Variants in COL17A1 observed in about 807,000 individuals in gnomAD.
COL17A1 encodes the protein collagen type XVII alpha 1 chain, also known as collagen alpha-1(XVII) chain.
A neutral mutation model predicts 218.4 loss-of-function variants in COL17A1; 181 were observed. The observed-to-expected ratio is 0.83, with a 90% CI of 0.73 to 0.94. The LOEUF (loss-of-function observed/expected upper bound fraction) is 0.94, where lower values mean the gene tolerates loss of function less well. Ranked by LOEUF, COL17A1 falls within the 40% of genes least tolerant of loss-of-function variation. The pLI, the probability that COL17A1 is intolerant of heterozygous loss-of-function variation, is 0.00. For synonymous variants in COL17A1, 721 were observed against 731.0 expected (o/e 0.99, Z 0.22); for missense variants, 1,924 against 1,945.9 (o/e 0.99, Z 0.21).
Position 104,034,074 on chromosome 10 carries a change from G to A in COL17A1, c.4027C>T (p.Pro1343Ser), listed in dbSNP as rs746901432. The A allele has an allele frequency of 5.6e-6, 9 of 1,613,950 alleles. No individual in the cohort carries two copies. The highest frequency in any genetic ancestry group is 7.6e-6 in the Non-Finnish European group (9 of 1,180,046). ...DRGPYGTDIG[P>S]GGGYGAAAEG... The stretch of plus-strand genomic sequence containing the variant: ...GCTGCTGCCCCATAGCCTCCGCCTG[G>A]GCCGATGTCAGTGCCATAGGGACCC... The change falls in exon 52 of 56, where the codon CCA becomes TCA. Residue 1343 changes from proline (P) to serine (S), a missense_variant. Pro to Ser is a moderately conservative substitution (Grantham distance 74, BLOSUM62 -1). Transcript: ENST00000648076.
intron 29 of COL17A1, among the ~76,000 whole-genome samples, 193 bp downstream of exon 29, chr10:104,049,216 C>A (rs184161219): frequency 7.9e-4 from 121 of 152,256 alleles, no homozygotes; most frequent in Non-Finnish European, 1.4e-3. Context: ...GGAAAGAAAC[C>A]CACAGAGGTA....
At chr10:104,063,058 T>C (rs1263743924) in intron 11 of COL17A1, among the ~76,000 whole-genome samples, 1 of 152,194 alleles carries the variant, frequency 6.6e-6, no homozygotes, top group African/African-American at 2.4e-5. Flanking sequence ...TCTAGTCAAC[T>C]GGAGGAAGGT....
chr10:104,033,075 C>G (rs1038202104), intron 53 of COL17A1, 107 bp from the exon 54 acceptor site: 4 of 1,521,048 alleles, frequency 2.6e-6, no homozygotes, highest in Non-Finnish European at 3.6e-6. Flanking sequence ...GGAGTTTGGA[C>G]GTGTAAGAGG....
Position 104,040,337 on chromosome 10 carries a change from T to G in COL17A1, c.2761+14A>C. The G allele has an allele frequency of 6.3e-7, 1 of 1,588,348 alleles. No homozygotes were observed. The highest frequency in any genetic ancestry group is 8.6e-7 in the Non-Finnish European group (1 of 1,156,496). ...ACATACTGGCTTCTGGGTTCCCTGA[T>G]ACACTGTTCTCACCTTGGTCTCCCT... On this transcript the variant is annotated intron_variant, in intron 40 of 55. Transcript: ENST00000648076.
intron 4 of COL17A1, 122 bp from the exon 5 acceptor site, chr10:104,076,551 A>G: frequency 1.5e-6 from 2 of 1,312,382 alleles, no homozygotes; most frequent in African/African-American, 1.4e-5. Context: ...GGCACAGCTG[A>G]AAGGGGCCAC....
At position 104,041,476 on chromosome 10, in the gene COL17A1, G is replaced by A; in HGVS notation, c.2605+9C>T. 1.9e-6 allele frequency: 3 copies of A among 1,609,698 alleles called. No homozygotes were observed. In the South Asian group the frequency reaches 3.3e-5, roughly 18 times the overall value. ...CTCCCCACCTTCCAAAGGTCTCCAA[G>A]ATACTCACCTGGTGGCCCGCGTGGG... is the stretch of plus-strand genomic sequence containing the variant. On this transcript the variant is annotated intron_variant, in intron 37 of 55. Transcript: ENST00000648076.
intron 9 of COL17A1, among the ~76,000 whole-genome samples, chr10:104,066,480 C>G (rs529306271): frequency 6.6e-6 from 1 of 152,274 alleles, no homozygotes; most frequent in African/African-American, 2.4e-5. Context: ...AGCTTTAATT[C>G]TCTATGTGAA....
intron 40 of COL17A1, 47 bp downstream of exon 40, chr10:104,040,304 C>T: frequency 7.4e-7 from 1 of 1,349,046 alleles, no homozygotes; most frequent in Non-Finnish European, 1.1e-6. Flanking sequence ...AGCAGGTAAA[C>T]AGAGGACACA....
At chr10:104,037,821 T>G (rs992604854) in intron 45 of COL17A1, 48 bp from the exon 46 acceptor site, 1 of 1,604,450 alleles carries the variant, frequency 6.2e-7, no homozygotes, top group Non-Finnish European at 8.5e-7. Flanking sequence ...CAAGAGGACA[T>G]GTTCTCCCCA....
Position 104,038,467 on chromosome 10 carries a change from A to G in COL17A1, c.3009T>C (p.Pro1003=), listed in dbSNP as rs567522090. The G allele has an allele frequency of 6.2e-7, 1 of 1,613,974 alleles. No individual in the cohort carries two copies. Among genetic ancestry groups the G allele is most frequent in the East Asian group, 2.2e-5 (1 of 44,864 alleles). Residue 1003 remains proline (P), a synonymous_variant, in exon 45 of 56, where the codon CCT becomes CCC. Transcript: ENST00000648076. The part of the protein sequence containing the change: ...GPPGPPGPPG[P]PGSISSSGQE... Reference sequence around the variant, plus strand: ...GGCCAGAGCTGCTGATAGAGCCCGGAGGCCCAGGGGGCCCAGGGGGCCCTG... The same window carrying G: ...GGCCAGAGCTGCTGATAGAGCCCGGGGGCCCAGGGGGCCCAGGGGGCCCTG...
chr10:104,076,644 T>G (rs376433032), intron 4 of COL17A1, among the ~76,000 whole-genome samples: 1 of 152,120 alleles, frequency 6.6e-6, no homozygotes. Context: ...TTACCATGCA[T>G]GGAAATGGAA....
intron 13 of COL17A1, 134 bp from the exon 14 acceptor site, chr10:104,060,414 T>C (rs1564681176): frequency 7.6e-7 from 1 of 1,318,808 alleles, no homozygotes; most frequent in South Asian, 1.3e-5. Flanking sequence ...TGAGGGTCTC[T>C]TGTTCTTGCT....
intron 22 of COL17A1, 100 bp downstream of exon 22, chr10:104,053,820 G>C (rs922089956): frequency 3.9e-6 from 3 of 760,464 alleles, no homozygotes; most frequent in African/African-American, 3.4e-5. Flanking sequence ...TCTCTCCAGA[G>C]CCTAAAACAA....
At chr10:104,079,152 A>G (rs747598974) in intron 2 of COL17A1, among the ~76,000 whole-genome samples, 1 of 152,188 alleles carries the variant, frequency 6.6e-6, no homozygotes, top group Non-Finnish European at 1.5e-5. Flanking sequence ...TGGCAAAATC[A>G]GTGATCCAGG....
intron 47 of COL17A1, 30 bp downstream of exon 47, chr10:104,037,015 C>T (rs1269580421): frequency 6.3e-7 from 1 of 1,578,902 alleles, no homozygotes; most frequent in Non-Finnish European, 8.6e-7. Context: ...AAAGATAGTC[C>T]CACCCTCGAT....
intron 31 of COL17A1, 80 bp downstream of exon 31, chr10:104,047,659 G>T: frequency 1.7e-6 from 2 of 1,163,780 alleles, no homozygotes; most frequent in Non-Finnish European, 2.6e-6. Context: ...ACATGCACAC[G>T]CACACACATG....
At chr10:104,072,266 T>C (rs2086675777) in intron 7 of COL17A1, among the ~76,000 whole-genome samples, 187 bp from the exon 8 acceptor site, 1 of 152,106 alleles carries the variant, frequency 6.6e-6, no homozygotes, top group African/African-American at 2.4e-5. Context: ...CCTCCAACAA[T>C]TCCCCATCCT....
intron 25 of COL17A1, among the ~76,000 whole-genome samples, chr10:104,051,193 G>A (rs899407074): frequency 1.3e-5 from 2 of 152,176 alleles, no homozygotes; most frequent in African/African-American, 4.8e-5. Context: ...GGCCATAGGG[G>A]ACAAGAGAGA....
chr10:104,073,310 T>C (rs2086683573), intron 6 of COL17A1, 65 bp from the exon 7 acceptor site: 8 of 1,426,044 alleles, frequency 5.6e-6, no homozygotes, highest in Non-Finnish European at 7.9e-6. Flanking sequence ...ACTTTTGACA[T>C]GGAGGCAGAT....
Sources: allele counts gnomAD v4.1 joint callset (sites outside exome capture counted in the v4.1 genomes callset), GRCh38; gene constraint gnomAD v4.1.1; transcripts MANE v1.5; gene names NCBI Gene and HGNC (gene_info 2026-07-23, HGNC 2026-07-21).